The following ING5 variants were observed in gnomAD, a reference collection of about 807,000 sequenced individuals.
The protein encoded by ING5 is inhibitor of growth family member 5, also known as inhibitor of growth protein 5.
A neutral mutation model predicts 37.4 loss-of-function variants in ING5; 17 were observed. That is an observed-to-expected ratio of 0.45 (90% CI 0.31 to 0.68). The LOEUF (loss-of-function observed/expected upper bound fraction) is 0.68, where lower values mean the gene tolerates loss of function less well. Ranked by LOEUF, ING5 falls within the 30% of genes least tolerant of loss-of-function variation. ING5 has a pLI of 0.05. For missense variants in ING5, 233 were observed against 311.9 expected (o/e 0.75, Z 1.91); for synonymous variants, 123 against 116.6 (o/e 1.06, Z -0.36).
chr2:241,705,191 C>G (rs952367783), intron 2 of ING5, among the ~76,000 whole-genome samples: 1 of 152,052 alleles, frequency 6.6e-6, no homozygotes, highest in African/African-American at 2.4e-5. Flanking sequence ...TCTCTTGCCT[C>G]AGCCTCCTGA....
At chr2:241,692,164 T>C (rs34174712) in intron 2 of ING5, among the ~76,000 whole-genome samples, 83,477 of 152,060 alleles carry the variant, frequency 0.55, 23,017 homozygotes, top group Admixed American at 0.62. Context: ...ACCAGTCATG[T>C]GGTGAGCCCC....
At chr2:241,721,237 C>T (rs986959749) in intron 5 of ING5, 7 of 985,434 alleles carry the variant, frequency 7.1e-6, no homozygotes, top group African/African-American at 5.2e-5. Flanking sequence ...GAGGCTGAGA[C>T]GTAGACCCTT....
chr2:241,690,628 T>C, exon 2 of ING5: 1 of 398,588 alleles, frequency 2.5e-6, no homozygotes. Flanking sequence ...CAAGAGTCAC[T>C]CCACGAGACT....
At chr2:241,693,652 CTTTTT>C (rs1185556171) in intron 2 of ING5, among the ~76,000 whole-genome samples, 1 of 78,538 alleles carries the variant, frequency 1.3e-5, no homozygotes, top group Admixed American at 2.0e-4. Context: ...AAATACAACT[CTTTTT>C]TTTTTTTTTT....
At chr2:241,720,410 G>T in intron 5 of ING5, 1 of 1,125,628 alleles carries the variant, frequency 8.9e-7, no homozygotes, top group Non-Finnish European at 1.1e-6. Context: ...TGTTCCCCAC[G>T]TGCCCGGGGC....
At chr2:241,702,021 G>A, upstream of ING5, 2 of 1,332,326 alleles carry the variant, frequency 1.5e-6, no homozygotes, top group Non-Finnish European at 1.9e-6. Context: ...CGCCTCCCGC[G>A]GCACCGCCCG....
intron 2 of ING5, 150 bp downstream of exon 2, chr2:241,704,874 G>T (rs2069855362): frequency 1.5e-6 from 1 of 656,028 alleles, no homozygotes; most frequent in African/African-American, 1.8e-5. Flanking sequence ...TCAGTGTCTT[G>T]CAGTAGGTGT....
intron 4 of ING5, 66 bp downstream of exon 4, chr2:241,711,554 C>A: frequency 3.5e-6 from 4 of 1,129,124 alleles, no homozygotes; most frequent in South Asian, 2.9e-5. Context: ...AGAGTTTTGT[C>A]ACGGTAAATC....
In ING5 at chr2:241,725,039, T is replaced by A. The variant is rs768790992; in HGVS notation, c.*8T>A. On this transcript the variant is annotated 3_prime_UTR_variant, in exon 8 of 8. Coordinates refer to ENST00000313552, the MANE Select transcript of ING5 (RefSeq NM_032329.6). ...AAGAGGAAGAAGAAGTAGGAGGAGC[T>A]GTGTGCCCGGATCCGAGGAGCAAGT... The A allele has an allele frequency of 6.2e-7, 1 of 1,613,964 alleles. No homozygotes were observed. Among genetic ancestry groups the A allele is most frequent in the Non-Finnish European group, 8.5e-7 (1 of 1,179,826 alleles).
intron 7 of ING5, chr2:241,723,700 C>A: frequency 2.0e-6 from 3 of 1,523,096 alleles, no homozygotes; most frequent in Non-Finnish European, 2.7e-6. Context: ...GGCTCTGCCC[C>A]TGGCTCTGTC....
At chr2:241,724,190 C>T (rs186172748) in intron 7 of ING5, among the ~76,000 whole-genome samples, 17 of 152,220 alleles carry the variant, frequency 1.1e-4, no homozygotes, top group Admixed American at 1.0e-3. Context: ...AGCCAGTTAT[C>T]CTTGGTGTTC....
intron 5 of ING5, among the ~76,000 whole-genome samples, chr2:241,712,964 A>G (rs1005096417): frequency 1.3e-5 from 2 of 151,404 alleles, no homozygotes; most frequent in Non-Finnish European, 2.9e-5. Flanking sequence ...TCGCACCACT[A>G]CATTCCAGCC....
At chr2:241,707,492 A>G (rs1043293074) in intron 2 of ING5, among the ~76,000 whole-genome samples, 1 of 150,784 alleles carries the variant, frequency 6.6e-6, no homozygotes, top group African/African-American at 2.4e-5. Context: ...GGGTTTCTCC[A>G]TGTTGGTCAG....
chr2:241,696,679 G>C (rs7595685), intron 2 of ING5, among the ~76,000 whole-genome samples: 32,072 of 151,896 alleles, frequency 0.21, 3,848 homozygotes, highest in East Asian at 0.35. Context: ...CCCAGATATT[G>C]AGGGCTGAGG....
intron 2 of ING5, among the ~76,000 whole-genome samples, chr2:241,695,965 G>A (rs2069623886): frequency 6.6e-6 from 1 of 152,196 alleles, no homozygotes; most frequent in Admixed American, 6.6e-5. Flanking sequence ...GGGTGCGGCA[G>A]CTTATACCTA....
At chr2:241,698,573 C>T (rs1050935139), upstream of ING5, among the ~76,000 whole-genome samples, 4 of 150,376 alleles carry the variant, frequency 2.7e-5, no homozygotes, top group South Asian at 8.5e-4. Flanking sequence ...TTCTCTTCAA[C>T]TTTTCAATAA....
At chr2:241,718,807 T>C (rs2070350269) in intron 5 of ING5, among the ~76,000 whole-genome samples, 1 of 152,182 alleles carries the variant, frequency 6.6e-6, no homozygotes, top group Admixed American at 6.5e-5. Flanking sequence ...CTCAGCACTT[T>C]GGAAGGCTGA....
At chr2:241,707,716 A>G (rs763793025) in intron 2 of ING5, among the ~76,000 whole-genome samples, 16 of 152,326 alleles carry the variant, frequency 1.1e-4, no homozygotes, top group East Asian at 1.9e-4. Context: ...TGAATGTGCA[A>G]CAATTATAGA....
chr2:241,722,646 G>T, intron 5 of ING5: 1 of 985,424 alleles, frequency 1.0e-6, no homozygotes, highest in East Asian at 1.1e-4. Context: ...TTGAGGTTTT[G>T]AAAATGTGTG....
Sources: gnomAD v4.1 joint callset for allele counts (sites outside exome capture counted in the v4.1 genomes callset) on GRCh38, gnomAD v4.1.1 for gene constraint, MANE v1.5 for transcripts, NCBI Gene and HGNC (gene_info 2026-07-23, HGNC 2026-07-21) for gene names.